LMAN2: variants seen among roughly 807,000 people sequenced by gnomAD.
The protein encoded by LMAN2 is lectin, mannose binding 2.
LMAN2 carries 22 observed loss-of-function variants against 39.3 expected under a neutral mutation model. That is an observed-to-expected ratio of 0.56 (90% confidence interval 0.40 to 0.80). The LOEUF is 0.80. LMAN2 is among the 30% of genes least tolerant of loss of function. LMAN2 has a pLI of 0.00. For missense variants in LMAN2, 494 were observed against 505.4 expected (o/e 0.98, Z 0.22); for synonymous variants, 207 against 207.8 (o/e 1.00, Z 0.03).
chr5:177,350,043 T>C (rs974129287), intron 2 of LMAN2, among the ~76,000 whole-genome samples: 1 of 152,162 alleles, frequency 6.6e-6, no homozygotes, highest in East Asian at 1.9e-4. Flanking sequence ...TGTGCAGACA[T>C]AATGCATGCT....
At chr5:177,333,091 G>A (rs1581600269) in intron 7 of LMAN2, among the ~76,000 whole-genome samples, 1 of 152,114 alleles carries the variant, frequency 6.6e-6, no homozygotes, top group African/African-American at 2.4e-5. Flanking sequence ...GACCACTCTC[G>A]CCCCAGCCTC....
At chr5:177,339,063 A>T (rs941813185) in intron 2 of LMAN2, among the ~76,000 whole-genome samples, 6 of 152,238 alleles carry the variant, frequency 3.9e-5, no homozygotes, top group African/African-American at 1.4e-4. Flanking sequence ...AGAGCAGCTC[A>T]GTGGACTGTC....
chr5:177,351,224 T>G lies in LMAN2; in HGVS notation c.264A>C (p.Val88=). The change falls in exon 2 of 8, where the codon GTA becomes GTC. Residue 88 remains valine, a synonymous_variant. Coordinates refer to ENST00000303127, the MANE Select transcript of LMAN2 (RefSeq NM_006816.3). Reference sequence around the variant, plus strand: ...TGCTGCGCTCGTCAGGGGTCAGACGTACGTACTGGCTCGTGAGCATAGTGC... The same window carrying G: ...TGCTGCGCTCGTCAGGGGTCAGACGGACGTACTGGCTCGTGAGCATAGTGC... ...QGSTMLTSQY[V]RLTPDERSKE... is the part of the protein sequence containing the mutation. 1 of 1,614,138 alleles carries G rather than the reference T, an allele frequency of 6.2e-7. No homozygotes were observed. The highest frequency in any genetic ancestry group is 8.5e-7 in the Non-Finnish European group (1 of 1,180,020).
At position 177,337,571 on chromosome 5, in the gene LMAN2, G is replaced by A; in HGVS notation, c.514-47C>T. 6.2e-7 allele frequency: 1 copy of A among 1,608,978 alleles called. No homozygotes were observed. Among genetic ancestry groups the A allele is most frequent in the Non-Finnish European group, 8.5e-7 (1 of 1,176,212 alleles). ...CTCCACAAGCAGCCCAGCCTGTGGG[G>A]CGAGCAGGGGCACCCACCACCCCAA... On this transcript the variant is annotated intron_variant, in intron 4 of 7. Coordinates refer to ENST00000303127, the MANE Select transcript of LMAN2 (RefSeq NM_006816.3). This position sits in a 1 kb window ranked among gnomAD's most constrained non-coding sequence, Gnocchi z 8.2.
At position 177,334,554 on chromosome 5, in the gene LMAN2, C is replaced by G. The variant is rs1252318400; in HGVS notation, c.791-151G>C. 13 of 972,766 alleles carry G rather than the reference C, an allele frequency of 1.3e-5. No homozygotes were observed. The East Asian group carries it at 3.7e-4, about 28-fold the overall frequency. 60.3% of individuals were successfully genotyped at this position (972,766 alleles called of 1,614,324 possible). ...TGCCCAGCCGGCTAGGGCCTGTTTT[C>G]TTCCCAGCTCCCTCCAGTCACCAGC... is the stretch of plus-strand genomic sequence containing the variant. On this transcript the variant is annotated intron_variant, in intron 6 of 7. Coordinates refer to ENST00000303127, the MANE Select transcript of LMAN2 (RefSeq NM_006816.3).
intron 7 of LMAN2, among the ~76,000 whole-genome samples, chr5:177,334,076 A>T (rs1761432858): frequency 6.6e-6 from 1 of 152,240 alleles, no homozygotes; most frequent in African/African-American, 2.4e-5. Context: ...TTTACTCAAA[A>T]ACTTGCCAGA....
chr5:177,336,956 T>C (rs1761482382), intron 6 of LMAN2, 180 bp downstream of exon 6: 1 of 607,358 alleles, frequency 1.6e-6, no homozygotes, highest in African/African-American at 1.9e-5. Flanking sequence ...CACAGCCAGG[T>C]GAGCCCAGAA....
At chr5:177,343,310 T>C (rs1761584751) in intron 2 of LMAN2, among the ~76,000 whole-genome samples, 1 of 152,170 alleles carries the variant, frequency 6.6e-6, no homozygotes, top group African/African-American at 2.4e-5. Flanking sequence ...TTGGAATCCT[T>C]GTGCATTGCT....
At chr5:177,345,736 CATTT>C (rs752212044) in intron 2 of LMAN2, among the ~76,000 whole-genome samples, 8,284 of 135,296 alleles carry the variant, frequency 0.061, 521 homozygotes, top group African/African-American at 0.17. Context: ...CCATGGCATG[CATTT>C]ATTTATTTAT....
At chr5:177,345,781 A>ATTTATTTT (rs1761629846) in intron 2 of LMAN2, among the ~76,000 whole-genome samples, 1 of 147,790 alleles carries the variant, frequency 6.8e-6, no homozygotes, top group African/African-American at 2.6e-5. Context: ...TTATTTATTT[A>ATTTATTTT]TTTTTTGAGA....
At position 177,332,903 on chromosome 5, in the gene LMAN2, GCCTC is replaced by G. The variant is rs1761411602; in HGVS notation, c.911-661_911-658del. 6.6e-6 allele frequency among the ~76,000 whole-genome samples: 1 copy of G among 152,110 alleles called. No homozygotes were observed. The highest frequency in any genetic ancestry group is 1.5e-5 in the Non-Finnish European group (1 of 68,004). The stretch of plus-strand genomic sequence containing the variant: ...GGCTGGGCCCTGTTTCTGCCACTCT[GCCTC>G]CCTCCCTGACTGCGGCCCCCCCGAC... On this transcript the variant is annotated intron_variant, in intron 7 of 7. Coordinates refer to ENST00000303127, the MANE Select transcript of LMAN2 (RefSeq NM_006816.3). The surrounding 1 kb of genome is among the most constrained non-coding windows in gnomAD (Gnocchi z 6.3).
intron 2 of LMAN2, 152 bp from the exon 3 acceptor site, chr5:177,338,757 C>A: frequency 1.5e-6 from 1 of 685,340 alleles, no homozygotes; most frequent in Non-Finnish European, 2.6e-6. Flanking sequence ...GTGCCACTGA[C>A]CACAGACCCC....
intron 3 of LMAN2, 83 bp downstream of exon 3, chr5:177,338,405 A>AGCCCC: frequency 9.1e-7 from 1 of 1,095,382 alleles, no homozygotes; most frequent in Non-Finnish European, 1.4e-6. Flanking sequence ...AGCCACAGGC[A>AGCCCC]GCCCCACCCC....
Position 177,337,855 on chromosome 5 carries a change from G to T in LMAN2, c.434-70C>A. 1 of 1,401,880 alleles carries T rather than the reference G, an allele frequency of 7.1e-7. No homozygotes were observed. The highest frequency in any genetic ancestry group is 1.0e-6 in the Non-Finnish European group (1 of 1,000,666). 86.8% of individuals were successfully genotyped at this position (1,401,880 alleles called of 1,614,324 possible). ...CGTCCCATGGGTACCTAAAAGGCAA[G>T]CAATGCCAACATGGGTGGGGGCAAG... On this transcript the variant is annotated intron_variant, in intron 3 of 7. Coordinates refer to ENST00000303127, the MANE Select transcript of LMAN2 (RefSeq NM_006816.3). This position sits in a 1 kb window ranked among gnomAD's most constrained non-coding sequence, Gnocchi z 8.2.
intron 2 of LMAN2, among the ~76,000 whole-genome samples, chr5:177,342,790 T>C (rs1368316777): frequency 1.4e-5 from 2 of 148,070 alleles, no homozygotes; most frequent in Admixed American, 6.8e-5. Flanking sequence ...TTCTTGGATA[T>C]AGCACCAAAA....
chr5:177,341,999 AAAG>A (rs1443532312), intron 2 of LMAN2, among the ~76,000 whole-genome samples: 6 of 151,988 alleles, frequency 3.9e-5, no homozygotes, highest in Middle Eastern at 3.4e-3. Context: ...AATTAACCTA[AAAG>A]AAGACTAGAG....
chr5:177,334,250 C>G (rs752604800), intron 7 of LMAN2, 34 bp downstream of exon 7: 3 of 1,592,484 alleles, frequency 1.9e-6, no homozygotes, highest in South Asian at 2.2e-5. Flanking sequence ...TCAGGCCGCC[C>G]AGGCCCAGGC....
Position 177,331,617 on chromosome 5 carries a change from C to T in LMAN2, c.*469G>A, listed in dbSNP as rs113978759. 2,750 of 154,666 alleles carry T rather than the reference C, an allele frequency of 0.018. 49 individuals are homozygous for T. Among genetic ancestry groups the T allele is most frequent in the Non-Finnish European group, 0.03 (2,074 of 69,464 alleles). The allele number at this position is 154,666 out of a possible 1,614,324, so 9.6% of individuals were successfully genotyped here. A position where few individuals can be genotyped will look rare whatever the true frequency, so the allele number is the denominator to read the frequency against. On this transcript the variant is annotated 3_prime_UTR_variant, in exon 8 of 8. Transcript: ENST00000303127. The stretch of plus-strand genomic sequence containing the variant: ...ACGGTCACACTCGGCCCCACCACAC[C>T]GCGCCTGCAGCCTCACTTGAGCATC...
chr5:177,351,432 T>A lies in LMAN2; in HGVS notation c.196+20A>T, dbSNP rs1000547302. 1.9e-6 allele frequency: 3 copies of A among 1,609,862 alleles called. No individual in the cohort carries two copies. In the Middle Eastern group the frequency reaches 5.0e-4, roughly 270 times the overall value. Reference sequence around the variant, plus strand: ...AGCCTCGCCCTCACTCTTCACTCATTCCCGCCCCAAGGGCTTCACCTTGGT... The same window carrying A: ...AGCCTCGCCCTCACTCTTCACTCATACCCGCCCCAAGGGCTTCACCTTGGT... On this transcript the variant is annotated intron_variant, in intron 1 of 7. Coordinates refer to ENST00000303127, the MANE Select transcript of LMAN2 (RefSeq NM_006816.3).
Sources: gnomAD v4.1 joint callset for allele counts (sites outside exome capture counted in the v4.1 genomes callset) on GRCh38, gnomAD v4.1.1 for gene constraint, Gnocchi (gnomAD v3.1) non-coding constraint, MANE v1.5 for transcripts, NCBI Gene and HGNC (gene_info 2026-07-23, HGNC 2026-07-21) for gene names.